HYDIN: variants seen among roughly 807,000 people sequenced by gnomAD.
HYDIN encodes the protein axonemal central pair apparatus protein HYDIN.
A neutral mutation model predicts 403.9 loss-of-function variants in HYDIN; 132 were observed. That is an observed-to-expected ratio of 0.33 (90% CI 0.28 to 0.38). HYDIN has a LOEUF of 0.38. Ranked by LOEUF, HYDIN falls within the 10% of genes least tolerant of loss-of-function variation. HYDIN has a pLI of 1.00. For missense variants in HYDIN, 2,827 were observed against 5,009.5 expected (o/e 0.56, Z 13.15); for synonymous variants, 1,202 against 1,891.7 (o/e 0.64, Z 9.46).
chr16:70,997,797 G>A (rs1366090573), intron 23 of HYDIN, among the ~76,000 whole-genome samples: 1 of 151,864 alleles, frequency 6.6e-6, no homozygotes, highest in African/African-American at 2.4e-5. Flanking sequence ...TTTGTTGAAT[G>A]AAATTCTAGT....
At chr16:71,076,133 T>A in intron 13 of HYDIN, 1 of 172,666 alleles carries the variant, frequency 5.8e-6, no homozygotes, top group Non-Finnish European at 1.3e-5. Flanking sequence ...CAACCATACC[T>A]CAATGGCTAT....
At chr16:70,821,500 C>T (rs1267979152) in intron 83 of HYDIN, among the ~76,000 whole-genome samples, 18 of 152,120 alleles carry the variant, frequency 1.2e-4, no homozygotes, top group African/African-American at 3.4e-4. Flanking sequence ...TTCCTTTCAT[C>T]GCTTTACAGA....
In HYDIN at chr16:70,889,998, G is replaced by A. The variant is rs181019015; in HGVS notation, c.9657-294C>T. 2.0e-3 allele frequency among the ~76,000 whole-genome samples: 312 copies of A among 152,384 alleles called. 3 individuals are homozygous for A. The highest frequency in any genetic ancestry group is 4.3e-3 in the Admixed American group (66 of 15,312). On this transcript the variant is annotated intron_variant, in intron 57 of 85. Coordinates refer to ENST00000393567, the MANE Select transcript of HYDIN (RefSeq NM_001270974.2). ...AATGCCTACTTGAGTTCACTGGAAA[G>A]CAGTGTGCAGAAAATTACTTGTGGA...
intron 37 of HYDIN, among the ~76,000 whole-genome samples, chr16:70,962,669 T>C (rs2078454604): frequency 6.7e-6 from 1 of 148,766 alleles, no homozygotes; most frequent in East Asian, 2.0e-4. Context: ...CCTCATTGAT[T>C]GCCCATTGTT....
intron 75 of HYDIN, among the ~76,000 whole-genome samples, chr16:70,846,049 T>A (rs1057229619): frequency 6.6e-6 from 1 of 150,938 alleles, no homozygotes; most frequent in Non-Finnish European, 1.5e-5. Context: ...CCTTCAGTTC[T>A]GCTCTGATTT....
chr16:70,887,786 C>A (rs1046112356), intron 58 of HYDIN, among the ~76,000 whole-genome samples: 6 of 150,540 alleles, frequency 4.0e-5, no homozygotes, highest in Admixed American at 4.0e-4. Flanking sequence ...CGGGTTCATG[C>A]CATTCTCCTG....
chr16:71,069,511 C>T lies in HYDIN; in HGVS notation c.1739-9G>A, dbSNP rs766837585. On this transcript the variant is annotated splice_polypyrimidine_tract_variant and intron_variant, in intron 13 of 85. Transcript: ENST00000393567. The stretch of plus-strand genomic sequence containing the variant: ...CAAGGTATGAGGAAACCCTGGAAAA[C>T]AAAATATGATGTGAGAAATAAAAGC... 3.0e-5 allele frequency: 49 copies of T among 1,610,902 alleles called. 1 individual carries two copies. In the Admixed American group the frequency reaches 8.0e-4, roughly 26 times the overall value.
At chr16:71,196,004 A>G (rs1182574963) in intron 1 of HYDIN, among the ~76,000 whole-genome samples, 1 of 152,232 alleles carries the variant, frequency 6.6e-6, no homozygotes, top group African/African-American at 2.4e-5. Flanking sequence ...GAAAAAACAG[A>G]AACAGAGAAA....
intron 5 of HYDIN, 53 bp downstream of exon 5, chr16:71,175,554 G>A: frequency 1.3e-6 from 2 of 1,561,258 alleles, no homozygotes; most frequent in African/African-American, 1.4e-5. Context: ...ATTCAGAATT[G>A]AACTGCAATC....
intron 8 of HYDIN, among the ~76,000 whole-genome samples, chr16:71,130,506 A>G (rs1392758977): frequency 2.0e-5 from 2 of 100,260 alleles, no homozygotes; most frequent in African/African-American, 7.7e-5. Context: ...TTTGAGACGG[A>G]GTCTCGCTCT....
intron 1 of HYDIN, among the ~76,000 whole-genome samples, chr16:71,217,268 C>G (rs958460900): frequency 6.6e-6 from 1 of 152,162 alleles, no homozygotes; most frequent in Non-Finnish European, 1.5e-5. Context: ...CATTTTAAGT[C>G]TCGATGATGC....
At chr16:70,820,170 A>C (rs1349332731) in intron 83 of HYDIN, among the ~76,000 whole-genome samples, 1 of 98,536 alleles carries the variant, frequency 1.0e-5, no homozygotes. Context: ...ATTTAAAGTG[A>C]TTTTTTTTTC....
intron 13 of HYDIN, among the ~76,000 whole-genome samples, chr16:71,078,717 G>A (rs570157875): frequency 2.6e-5 from 4 of 152,222 alleles, no homozygotes; most frequent in Admixed American, 2.6e-4. Flanking sequence ...TGTTGCCTGG[G>A]CTGGTCTTGA....
At chr16:71,129,866 T>A in intron 8 of HYDIN, 43 bp from the exon 9 acceptor site, 1 of 1,571,966 alleles carries the variant, frequency 6.4e-7, no homozygotes. Context: ...GGTACTCCCA[T>A]GAAGAACTTT....
At chr16:71,115,132 A>G (rs1243612495) in intron 10 of HYDIN, among the ~76,000 whole-genome samples, 1 of 150,786 alleles carries the variant, frequency 6.6e-6, no homozygotes, top group Non-Finnish European at 1.5e-5. Flanking sequence ...TAATTCCCAT[A>G]ATTCCCACGT....
At chr16:71,108,198 C>A in intron 10 of HYDIN, among the ~76,000 whole-genome samples, 1 of 152,014 alleles carries the variant, frequency 6.6e-6, no homozygotes, top group Non-Finnish European at 1.5e-5. Flanking sequence ...GGAAGAGGAT[C>A]AGGAAAAATA....
chr16:71,039,000 A>T (rs1157211073), intron 18 of HYDIN, among the ~76,000 whole-genome samples: 2 of 152,090 alleles, frequency 1.3e-5, no homozygotes, highest in East Asian at 1.9e-4. Flanking sequence ...CCCCGAAGCG[A>T]GTCACTTTGC....
chr16:70,906,617 C>T (rs978978341), intron 50 of HYDIN, among the ~76,000 whole-genome samples: 5 of 152,144 alleles, frequency 3.3e-5, no homozygotes, highest in Admixed American at 6.5e-5. Flanking sequence ...TAACAGCGCA[C>T]GAACAGCCTG....
At chr16:71,034,207 C>T (rs1218683924) in intron 18 of HYDIN, among the ~76,000 whole-genome samples, 2 of 152,152 alleles carry the variant, frequency 1.3e-5, no homozygotes, top group Non-Finnish European at 2.9e-5. Flanking sequence ...ACATTCCAGT[C>T]TAAGATTACC....
Sources: allele counts gnomAD v4.1 joint callset (sites outside exome capture counted in the v4.1 genomes callset), GRCh38; gene constraint gnomAD v4.1.1; transcripts MANE v1.5; gene names NCBI Gene and HGNC (gene_info 2026-07-23, HGNC 2026-07-21).